CFAP97: variants seen among roughly 807,000 people sequenced by gnomAD.
CFAP97 encodes the protein cilia and flagella associated protein 97.
CFAP97 carries 36 observed loss-of-function variants against 43.1 expected under a neutral mutation model. The observed-to-expected ratio is 0.84, with a 90% CI of 0.64 to 1.10. The LOEUF (loss-of-function observed/expected upper bound fraction) is 1.10, where lower values mean the gene tolerates loss of function less well. CFAP97 is among the 50% of genes least tolerant of loss of function. The pLI is 0.00. For missense variants in CFAP97, 657 were observed against 620.3 expected (o/e 1.06, Z -0.63); for synonymous variants, 228 against 225.7 (o/e 1.01, Z -0.09).
intron 1 of CFAP97, among the ~76,000 whole-genome samples, chr4:185,203,184 G>C (rs1229736888): frequency 6.6e-6 from 1 of 152,038 alleles, no homozygotes; most frequent in African/African-American, 2.4e-5. Flanking sequence ...CTGGGCCACA[G>C]AGCGAGACCC....
chr4:185,178,659 GTT>G (rs1474265499), intron 2 of CFAP97, among the ~76,000 whole-genome samples: 7 of 152,254 alleles, frequency 4.6e-5, no homozygotes, highest in Admixed American at 3.9e-4. Flanking sequence ...ACAAGACTTA[GTT>G]GTGTGAAGCA....
At position 185,200,659 on chromosome 4, in the gene CFAP97, T is replaced by C. The variant is rs186032275; in HGVS notation, c.-17+3239A>G. On this transcript the variant is annotated intron_variant, in intron 1 of 4. Transcript: ENST00000458385. Reference sequence around the variant, plus strand: ...CTGTCTCAAAAAAAAAAAAGCTGGGTTGCAGTGGCACGTGCCTGTAGAGGC... The same window carrying C: ...CTGTCTCAAAAAAAAAAAAGCTGGGCTGCAGTGGCACGTGCCTGTAGAGGC... Among the ~76,000 whole-genome samples, 5 of 147,536 alleles carry C rather than the reference T, an allele frequency of 3.4e-5. No homozygotes were observed. In the East Asian group the frequency reaches 9.8e-4, roughly 29 times the overall value.
intron 3 of CFAP97, among the ~76,000 whole-genome samples, chr4:185,174,261 A>G (rs1025325700): frequency 6.6e-6 from 1 of 152,246 alleles, no homozygotes; most frequent in African/African-American, 2.4e-5. Flanking sequence ...TTTTTGACAT[A>G]CGGGAATTTC....
intron 1 of CFAP97, among the ~76,000 whole-genome samples, chr4:185,192,077 G>T (rs1451836953): frequency 6.6e-6 from 1 of 152,162 alleles, no homozygotes; most frequent in African/African-American, 2.4e-5. Flanking sequence ...TGCTGTCTTT[G>T]TCCCCTTTCT....
upstream of CFAP97, among the ~76,000 whole-genome samples, chr4:185,205,710 T>C (rs1455496208): frequency 1.3e-5 from 2 of 152,098 alleles, no homozygotes; most frequent in Non-Finnish European, 1.5e-5. Context: ...ACATCTGTAA[T>C]CCCAGCTACT....
At chr4:185,170,285 G>A (rs775264371) in intron 3 of CFAP97, 2 of 656,572 alleles carry the variant, frequency 3.0e-6, no homozygotes, top group South Asian at 3.3e-5. Flanking sequence ...GATGGAGGCT[G>A]CAAGGAGCCA....
At chr4:185,172,655 T>G (rs1735346204) in intron 3 of CFAP97, among the ~76,000 whole-genome samples, 1 of 152,080 alleles carries the variant, frequency 6.6e-6, no homozygotes, top group African/African-American at 2.4e-5. Context: ...ACTACAAAAG[T>G]GTGTCTCTGT....
intron 2 of CFAP97, among the ~76,000 whole-genome samples, chr4:185,178,721 C>T (rs1347893037): frequency 6.6e-6 from 1 of 152,148 alleles, no homozygotes; most frequent in African/African-American, 2.4e-5. Flanking sequence ...AACCATGGCA[C>T]AGGAAATGAG....
intron 1 of CFAP97, among the ~76,000 whole-genome samples, chr4:185,197,582 C>T (rs533449887): frequency 1.5e-4 from 23 of 152,282 alleles, no homozygotes; most frequent in African/African-American, 5.3e-4. Flanking sequence ...CACGTGCCAC[C>T]ACACCCGGCT....
chr4:185,187,170 C>T (rs1020337396), intron 2 of CFAP97, among the ~76,000 whole-genome samples: 6 of 152,156 alleles, frequency 3.9e-5, no homozygotes, highest in Non-Finnish European at 8.8e-5. Context: ...CAGAAGGATG[C>T]ACAGACTTAT....
At chr4:185,196,714 G>C (rs1736561844) in intron 1 of CFAP97, among the ~76,000 whole-genome samples, 1 of 152,176 alleles carries the variant, frequency 6.6e-6, no homozygotes, top group African/African-American at 2.4e-5. Flanking sequence ...ATTAGACAGT[G>C]TCAAGTGTCA....
chr4:185,190,017 CTAATAA>C, intron 2 of CFAP97, 120 bp downstream of exon 2: 1 of 651,086 alleles, frequency 1.5e-6, no homozygotes, highest in Non-Finnish European at 2.4e-6. Flanking sequence ...GGTAAAGTTA[CTAATAA>C]TATCAATCAT....
chr4:185,176,157 G>A, intron 2 of CFAP97, 106 bp from the exon 3 acceptor site: 3 of 1,014,398 alleles, frequency 3.0e-6, no homozygotes, highest in Non-Finnish European at 4.1e-6. Context: ...TTGTTACCCA[G>A]ACTGGAGTGC....
At chr4:185,198,965 G>A (rs551141891) in intron 1 of CFAP97, among the ~76,000 whole-genome samples, 8 of 152,306 alleles carry the variant, frequency 5.3e-5, no homozygotes, top group African/African-American at 1.7e-4. Flanking sequence ...ATAGCTAGAG[G>A]GAGAAGTCAA....
chr4:185,209,811 C>A (rs1351649726), upstream of CFAP97: 8 of 983,730 alleles, frequency 8.1e-6, no homozygotes, highest in Non-Finnish European at 8.4e-6. The surrounding 1 kb of genome is among the most constrained non-coding windows in gnomAD (Gnocchi z 5.2). Context: ...CTGTCCTTAG[C>A]GGCCCAGGAA....
intron 1 of CFAP97, among the ~76,000 whole-genome samples, chr4:185,195,455 C>G (rs1736494943): frequency 6.6e-6 from 1 of 152,172 alleles, no homozygotes; most frequent in Admixed American, 6.5e-5. Context: ...TGCACTCCAG[C>G]CTGGGCTACA....
upstream of CFAP97, chr4:185,204,162 C>T (rs1197320108): frequency 6.6e-6 from 1 of 151,998 alleles, no homozygotes; most frequent in Non-Finnish European, 1.5e-5. Context: ...GGGCCAGGGA[C>T]GCGCACACTA....
At chr4:185,207,670 G>C (rs1303607768), upstream of CFAP97, 1 of 152,190 alleles carries the variant, frequency 6.6e-6, no homozygotes, top group Admixed American at 6.5e-5. Context: ...TGGACCACAT[G>C]GAGTAACAAC....
At chr4:185,175,669 A>C in intron 3 of CFAP97, 117 bp downstream of exon 3, 1 of 892,966 alleles carries the variant, frequency 1.1e-6, no homozygotes. Context: ...CACATACCGC[A>C]CCTGCTTTTA....
Sources: gnomAD v4.1 joint callset for allele counts (sites outside exome capture counted in the v4.1 genomes callset) on GRCh38, gnomAD v4.1.1 for gene constraint, Gnocchi (gnomAD v3.1) non-coding constraint, MANE v1.5 for transcripts, NCBI Gene and HGNC (gene_info 2026-07-23, HGNC 2026-07-21) for gene names.